NCAM1: variants seen among roughly 807,000 people sequenced by gnomAD.
NCAM1 encodes the protein neural cell adhesion molecule 1.
A neutral mutation model predicts 109.8 loss-of-function variants in NCAM1; 14 were observed. That is an observed-to-expected ratio of 0.13 (90% CI 0.08 to 0.20). The LOEUF is 0.20. NCAM1 is among the 10% of genes least tolerant of loss of function. The pLI, the probability that NCAM1 is intolerant of heterozygous loss-of-function variation, is 1.00. For missense variants in NCAM1, 774 were observed against 1,109.9 expected (o/e 0.70, Z 4.30); for synonymous variants, 418 against 442.9 (o/e 0.94, Z 0.70).
intron 1 of NCAM1, among the ~76,000 whole-genome samples, chr11:113,061,917 G>T (rs1245093): frequency 0.83 from 126,242 of 152,030 alleles, 52,739 homozygotes; most frequent in African/African-American, 0.92. Context: ...TAATTAACTT[G>T]ACAAAAGTAG....
At chr11:113,139,955 T>G (rs782569506) in intron 1 of NCAM1, among the ~76,000 whole-genome samples, 26 of 152,216 alleles carry the variant, frequency 1.7e-4, no homozygotes, top group Non-Finnish European at 8.8e-5. Flanking sequence ...AATTGTAACA[T>G]CTTAGAGTTA....
chr11:113,165,570 T>C (rs1210463243), intron 1 of NCAM1, among the ~76,000 whole-genome samples: 1 of 152,184 alleles, frequency 6.6e-6, no homozygotes, highest in African/African-American at 2.4e-5. Context: ...AGCTGGGATC[T>C]ATATAGCCTT....
intron 14 of NCAM1, among the ~76,000 whole-genome samples, chr11:113,244,219 T>A (rs1945431286): frequency 1.3e-5 from 2 of 152,340 alleles, no homozygotes; most frequent in South Asian, 4.2e-4. Flanking sequence ...ATATTTCAGG[T>A]GGCTCACTGT....
chr11:113,062,819 T>A (rs1309168262), intron 1 of NCAM1, among the ~76,000 whole-genome samples: 1 of 152,026 alleles, frequency 6.6e-6, no homozygotes, highest in Non-Finnish European at 1.5e-5. Flanking sequence ...AAATTAAAAA[T>A]TAGCTGGATG....
intron 9 of NCAM1, among the ~76,000 whole-genome samples, chr11:113,222,603 G>A (rs1555115513): frequency 6.6e-6 from 1 of 152,178 alleles, no homozygotes; most frequent in African/African-American, 2.4e-5. Context: ...TGGACCCACT[G>A]GGATTGGGGA....
chr11:112,976,511 C>T lies in NCAM1; in HGVS notation c.52+14847C>T, dbSNP rs190443795. 2.9e-3 allele frequency among the ~76,000 whole-genome samples: 434 copies of T among 152,000 alleles called. 2 individuals are homozygous for T. The highest frequency in any genetic ancestry group is 9.6e-3 in the African/African-American group (400 of 41,522). The stretch of plus-strand genomic sequence containing the variant: ...TTTGGTGGGATTGGTTGTATGTCTG[C>T]GGCTGTCTGGAGAATCCAGGTGCTT... On this transcript the variant is annotated intron_variant, in intron 1 of 19. Coordinates refer to ENST00000316851, the MANE Select transcript of NCAM1 (RefSeq NM_181351.5).
chr11:113,034,396 G>T (rs1952803210), intron 1 of NCAM1, among the ~76,000 whole-genome samples: 1 of 151,758 alleles, frequency 6.6e-6, no homozygotes, highest in African/African-American at 2.4e-5. Flanking sequence ...ATATTTGACT[G>T]GAGTCTTGGT....
intron 7 of NCAM1, among the ~76,000 whole-genome samples, chr11:113,212,838 G>T (rs147179759): frequency 6.6e-6 from 1 of 151,836 alleles, no homozygotes; most frequent in Non-Finnish European, 1.5e-5. Context: ...CTCAAAAATC[G>T]TACTTATTAA....
At chr11:113,198,255 C>T (rs1313921405) in intron 1 of NCAM1, among the ~76,000 whole-genome samples, 2 of 152,142 alleles carry the variant, frequency 1.3e-5, no homozygotes, top group African/African-American at 2.4e-5. Flanking sequence ...TCACTTATGG[C>T]TCTGAGCGTC....
intron 7 of NCAM1, among the ~76,000 whole-genome samples, chr11:113,213,143 GTTTA>G (rs1162320149): frequency 6.6e-6 from 1 of 152,166 alleles, no homozygotes; most frequent in Non-Finnish European, 1.5e-5. Flanking sequence ...ATAGGCAGTT[GTTTA>G]TTTGCCTACT....
At chr11:113,153,306 G>A (rs543079658) in intron 1 of NCAM1, among the ~76,000 whole-genome samples, 2 of 152,284 alleles carry the variant, frequency 1.3e-5, no homozygotes, top group South Asian at 4.1e-4. Flanking sequence ...CTCCCAAAGT[G>A]TTGGGATTAC....
At chr11:113,127,029 C>G (rs1378310003) in intron 1 of NCAM1, among the ~76,000 whole-genome samples, 1 of 152,204 alleles carries the variant, frequency 6.6e-6, no homozygotes, top group Non-Finnish European at 1.5e-5. Context: ...ACAGTGGCAG[C>G]CTATATTCCA....
chr11:113,233,381 C>A lies in NCAM1; in HGVS notation c.1693+64C>A. ...GTGCCTCAGTACTCAGATGTCCCCA[C>A]CTGCCATCCTGGGCATGTTCCTACA... On this transcript the variant is annotated intron_variant, in intron 13 of 19. Coordinates refer to ENST00000316851, the MANE Select transcript of NCAM1 (RefSeq NM_181351.5). This position sits in a 1 kb window ranked among gnomAD's most constrained non-coding sequence, Gnocchi z 4.5. 1 of 1,494,032 alleles carries A rather than the reference C, an allele frequency of 6.7e-7. No individual in the cohort carries two copies. Among genetic ancestry groups the A allele is most frequent in the Non-Finnish European group, 9.1e-7 (1 of 1,098,816 alleles). The allele number at this position is 1,494,032 out of a possible 1,614,324, so 92.5% of individuals were successfully genotyped here.
At chr11:113,148,360 C>CTTT (rs34102949) in intron 1 of NCAM1, among the ~76,000 whole-genome samples, 41 of 141,330 alleles carry the variant, frequency 2.9e-4, no homozygotes, top group African/African-American at 4.7e-4. Context: ...GTTTGCGGAG[C>CTTT]TTTTTTTTTT....
chr11:113,102,970 A>T (rs1308295275), intron 1 of NCAM1, among the ~76,000 whole-genome samples: 2 of 144,068 alleles, frequency 1.4e-5, no homozygotes, highest in Admixed American at 7.2e-5. Context: ...CATTTAGATT[A>T]TGAAATTTGG....
chr11:113,240,530 G>A, intron 14 of NCAM1: 3 of 507,602 alleles, frequency 5.9e-6, no homozygotes, highest in East Asian at 6.7e-5. Flanking sequence ...TGAGGCTTGT[G>A]CAGCTGTTCC....
chr11:113,114,258 T>C (rs907062888), intron 1 of NCAM1, among the ~76,000 whole-genome samples: 6 of 152,158 alleles, frequency 3.9e-5, no homozygotes, highest in East Asian at 1.9e-4. Flanking sequence ...CAAATAGAAC[T>C]GTTTCAGAGC....
intron 1 of NCAM1, among the ~76,000 whole-genome samples, chr11:113,098,492 G>A (rs1302770055): frequency 6.6e-6 from 1 of 151,906 alleles, no homozygotes; most frequent in Non-Finnish European, 1.5e-5. Flanking sequence ...TCCACGGTTG[G>A]TTGAATCTGT....
intron 1 of NCAM1, among the ~76,000 whole-genome samples, chr11:112,971,944 G>A (rs1757175913): frequency 6.6e-6 from 1 of 152,150 alleles, no homozygotes; most frequent in African/African-American, 2.4e-5. Context: ...ATTTTGGAAA[G>A]ACACACTTGT....
Sources: allele counts gnomAD v4.1 joint callset (sites outside exome capture counted in the v4.1 genomes callset), GRCh38; gene constraint gnomAD v4.1.1; non-coding constraint Gnocchi (gnomAD v3.1); transcripts MANE v1.5; gene names NCBI Gene and HGNC (gene_info 2026-07-23, HGNC 2026-07-21).